The following SLC4A8 variants were observed in gnomAD, a reference collection of about 807,000 sequenced individuals.
The protein encoded by SLC4A8 is electroneutral sodium bicarbonate exchanger 1.
SLC4A8 carries 40 observed loss-of-function variants against 125.0 expected under a neutral mutation model. That is an observed-to-expected ratio of 0.32 (90% CI 0.25 to 0.42). SLC4A8 has a LOEUF of 0.42. SLC4A8 is among the 10% of genes least tolerant of loss of function. The probability of loss-of-function intolerance (pLI) is 1.00; values close to 1 mark genes in which losing one functional copy is unlikely to be tolerated. For missense variants in SLC4A8, 863 were observed against 1,355.1 expected, an observed-to-expected ratio of 0.64 and a Z score of 5.70; for synonymous variants, 456 against 476.0, an observed-to-expected ratio of 0.96 and a Z score of 0.55.
intron 11 of SLC4A8, among the ~76,000 whole-genome samples, chr12:51,465,569 G>C (rs1210473028): frequency 1.4e-4 from 21 of 152,270 alleles, no homozygotes; most frequent in East Asian, 3.9e-4. Flanking sequence ...AATTCAAATG[G>C]AGTTTGAAGG....
intron 1 of SLC4A8, among the ~76,000 whole-genome samples, chr12:51,401,185 C>T (rs938923584): frequency 1.3e-5 from 2 of 152,112 alleles, no homozygotes; most frequent in East Asian, 1.9e-4. Context: ...CCCCAGTGGG[C>T]GTGTGCTACC....
At chr12:51,452,316 T>G in intron 4 of SLC4A8, 57 bp downstream of exon 4, 1 of 1,586,646 alleles carries the variant, frequency 6.3e-7, no homozygotes, top group Non-Finnish European at 8.6e-7. Context: ...GTGTGTACCC[T>G]TCAGCAAGTG....
At chr12:51,441,546 GA>G (rs1478477081) in intron 2 of SLC4A8, among the ~76,000 whole-genome samples, 1 of 152,128 alleles carries the variant, frequency 6.6e-6, no homozygotes, top group African/African-American at 2.4e-5. Flanking sequence ...AATTAGTGTT[GA>G]TGCTCAGTTT....
upstream of SLC4A8, among the ~76,000 whole-genome samples, chr12:51,424,114 G>C (rs748123876): frequency 1.7e-4 from 25 of 149,428 alleles, no homozygotes; most frequent in Non-Finnish European, 3.3e-4. Context: ...TTTTCTTGAG[G>C]AGAGAGGGTT....
At chr12:51,452,289 T>C in intron 4 of SLC4A8, 30 bp downstream of exon 4, 2 of 1,613,358 alleles carry the variant, frequency 1.2e-6, no homozygotes, top group Non-Finnish European at 8.5e-7. Flanking sequence ...TGCATCAAGA[T>C]CTGCTTGGGT....
chr12:51,422,663 A>G (rs1248431878), upstream of SLC4A8, among the ~76,000 whole-genome samples: 2 of 152,332 alleles, frequency 1.3e-5, no homozygotes, highest in East Asian at 3.9e-4. Flanking sequence ...CCCAGCCCAC[A>G]GCCTTTCTCT....
intron 2 of SLC4A8, among the ~76,000 whole-genome samples, chr12:51,448,341 C>A (rs1211770310): frequency 6.6e-6 from 1 of 151,976 alleles, no homozygotes; most frequent in Non-Finnish European, 1.5e-5. Context: ...AGGTAACGCT[C>A]GGTTTCAAGC....
chr12:51,409,996 A>G (rs953690891), intron 1 of SLC4A8, among the ~76,000 whole-genome samples: 2 of 152,188 alleles, frequency 1.3e-5, no homozygotes, highest in African/African-American at 2.4e-5. Context: ...TCGCCCCTCC[A>G]GGGGCCTGGT....
chr12:51,449,153 G>A (rs1337007680), intron 2 of SLC4A8, among the ~76,000 whole-genome samples: 2 of 152,132 alleles, frequency 1.3e-5, no homozygotes, highest in Non-Finnish European at 2.9e-5. Context: ...AAACTGAAGT[G>A]AGGGCTGGGT....
chr12:51,449,677 G>A (rs1268678619), intron 2 of SLC4A8, among the ~76,000 whole-genome samples: 1 of 152,124 alleles, frequency 6.6e-6, no homozygotes, highest in East Asian at 1.9e-4. Flanking sequence ...AGGTTTGGCA[G>A]GAAGGCAAGG....
upstream of SLC4A8, among the ~76,000 whole-genome samples, chr12:51,420,983 C>T (rs1418071420): frequency 6.6e-6 from 1 of 152,060 alleles, no homozygotes; most frequent in Admixed American, 6.6e-5. Context: ...TGAGGCTATC[C>T]ATGTAGCATG....
chr12:51,426,268 AT>A (rs1948974704), intron 1 of SLC4A8, among the ~76,000 whole-genome samples: 1 of 152,208 alleles, frequency 6.6e-6, no homozygotes, highest in South Asian at 2.1e-4. Context: ...GAAAAGAACA[AT>A]ATCTAAGATT....
intron 14 of SLC4A8, among the ~76,000 whole-genome samples, chr12:51,472,766 G>A (rs1950740566): frequency 6.6e-6 from 1 of 152,102 alleles, no homozygotes; most frequent in Non-Finnish European, 1.5e-5. Context: ...TAAAGCTCAA[G>A]ATGATATTTT....
chr12:51,459,910 G>T (rs1346467121), intron 7 of SLC4A8, 41 bp from the exon 8 acceptor site: 1 of 1,547,210 alleles, frequency 6.5e-7, no homozygotes, highest in Non-Finnish European at 8.8e-7. Context: ...TATTTAAGGT[G>T]GTGGTTCCCA....
At chr12:51,465,426 G>T (rs895830069) in intron 11 of SLC4A8, among the ~76,000 whole-genome samples, 3 of 152,070 alleles carry the variant, frequency 2.0e-5, no homozygotes, top group Non-Finnish European at 2.9e-5. Context: ...TCCACCTGAG[G>T]GTTTGGGAGA....
chr12:51,441,290 C>A, intron 2 of SLC4A8: 2 of 723,514 alleles, frequency 2.8e-6, no homozygotes, highest in Non-Finnish European at 3.4e-6. Context: ...AAAACAGGAA[C>A]ACACCTGTGA....
rs989570360 is a variant in SLC4A8 at position 51,509,850 on chromosome 12, G to A, written c.*2412G>A. 6.6e-6 allele frequency: 1 copy of A among 152,312 alleles called. No individual in the cohort carries two copies. The highest frequency in any genetic ancestry group is 1.5e-5 in the Non-Finnish European group (1 of 68,068). 9.4% of individuals were successfully genotyped at this position (152,312 alleles called of 1,614,324 possible). A position where few individuals can be genotyped will look rare whatever the true frequency, so the allele number is the denominator to read the frequency against. Reference sequence around the variant, plus strand: ...CTTTTTAAAAAAAATATGATTTGGTGCGTTGTTGGGGTGAACTCCATGGGG... The same window carrying A: ...CTTTTTAAAAAAAATATGATTTGGTACGTTGTTGGGGTGAACTCCATGGGG... On this transcript the variant is annotated 3_prime_UTR_variant, in exon 25 of 25. Transcript: ENST00000453097.
chr12:51,456,880 T>A (rs1277360300), intron 5 of SLC4A8, among the ~76,000 whole-genome samples: 3 of 152,224 alleles, frequency 2.0e-5, no homozygotes, highest in Admixed American at 6.5e-5. Flanking sequence ...AAATAGCCCT[T>A]TGGAGTTCTA....
chr12:51,491,305 CAG>C (rs1181735823), intron 19 of SLC4A8, among the ~76,000 whole-genome samples: 1 of 151,970 alleles, frequency 6.6e-6, no homozygotes, highest in Admixed American at 6.6e-5. Flanking sequence ...TGAGAGAACT[CAG>C]GGAAAAGAGA....
Sources: gnomAD v4.1 joint callset for allele counts (sites outside exome capture counted in the v4.1 genomes callset) on GRCh38, gnomAD v4.1.1 for gene constraint, MANE v1.5 for transcripts, NCBI Gene and HGNC (gene_info 2026-07-23, HGNC 2026-07-21) for gene names.